Variants in CHSY3 observed in about 807,000 individuals in gnomAD.
The protein encoded by CHSY3 is N-acetylgalactosaminyl-proteoglycan 3-beta-glucuronosyltransferase 3.
A neutral mutation model predicts 67.2 loss-of-function variants in CHSY3; 35 were observed. That is an observed-to-expected ratio of 0.52 (90% confidence interval 0.40 to 0.69). The LOEUF (loss-of-function observed/expected upper bound fraction) is 0.69, where lower values mean the gene tolerates loss of function less well. Ranked by LOEUF, CHSY3 falls within the 30% of genes least tolerant of loss-of-function variation. The pLI is 0.00. For missense variants in CHSY3, 1,069 were observed against 1,138.5 expected, an observed-to-expected ratio of 0.94 and a Z score of 0.88; for synonymous variants, 474 against 434.7, an observed-to-expected ratio of 1.09 and a Z score of -1.12.
chr5:130,069,495 A>G (rs1210657778), intron 2 of CHSY3, among the ~76,000 whole-genome samples: 2 of 151,968 alleles, frequency 1.3e-5, no homozygotes, highest in Non-Finnish European at 2.9e-5. Context: ...GTTTTAAAAT[A>G]TATATATTTT....
chr5:130,067,729 A>C (rs1288947792), intron 2 of CHSY3, among the ~76,000 whole-genome samples: 4 of 152,124 alleles, frequency 2.6e-5, no homozygotes, highest in Non-Finnish European at 5.9e-5. Flanking sequence ...TTTAGGGTAG[A>C]GTTTGAGAAT....
intron 2 of CHSY3, among the ~76,000 whole-genome samples, chr5:129,964,229 G>A (rs1270237670): frequency 6.6e-6 from 1 of 151,818 alleles, no homozygotes; most frequent in Non-Finnish European, 1.5e-5. Flanking sequence ...CTGACTGAAG[G>A]TCTGATTTGA....
chr5:130,107,593 T>C (rs1767451425), intron 2 of CHSY3, among the ~76,000 whole-genome samples: 1 of 151,666 alleles, frequency 6.6e-6, no homozygotes, highest in Non-Finnish European at 1.5e-5. Flanking sequence ...GCAAATGTGC[T>C]GTTAGCTTAG....
At chr5:130,082,847 A>T (rs1766487303) in intron 2 of CHSY3, among the ~76,000 whole-genome samples, 1 of 151,734 alleles carries the variant, frequency 6.6e-6, no homozygotes, top group Non-Finnish European at 1.5e-5. Flanking sequence ...ATGTTGGAGC[A>T]CTATATATAT....
intron 2 of CHSY3, among the ~76,000 whole-genome samples, chr5:129,950,425 C>A (rs1341131522): frequency 6.6e-6 from 1 of 151,996 alleles, no homozygotes; most frequent in East Asian, 1.9e-4. Flanking sequence ...CTAGCCAGAG[C>A]AATTAGGTAA....
At chr5:130,172,217 A>T (rs1397441261) in intron 2 of CHSY3, among the ~76,000 whole-genome samples, 1 of 152,126 alleles carries the variant, frequency 6.6e-6, no homozygotes, top group Non-Finnish European at 1.5e-5. Context: ...AATTGGCCAG[A>T]GTGTGATATG....
chr5:129,942,565 C>A (rs976732739), intron 2 of CHSY3, among the ~76,000 whole-genome samples: 2 of 151,946 alleles, frequency 1.3e-5, no homozygotes, highest in Admixed American at 6.6e-5. Context: ...TACCAGACAC[C>A]CTGCCTAACA....
intron 2 of CHSY3, among the ~76,000 whole-genome samples, chr5:130,049,255 T>C (rs1765253155): frequency 6.6e-6 from 1 of 152,118 alleles, no homozygotes; most frequent in Non-Finnish European, 1.5e-5. Flanking sequence ...ATTTTCATGA[T>C]TGAAATTATC....
intron 2 of CHSY3, among the ~76,000 whole-genome samples, chr5:130,177,778 C>T (rs776719435): frequency 2.0e-5 from 3 of 152,048 alleles, no homozygotes; most frequent in Non-Finnish European, 4.4e-5. Context: ...AATTTGGAAA[C>T]TCAAGCCCTT....
At chr5:129,921,513 A>C (rs1038006657) in intron 2 of CHSY3, among the ~76,000 whole-genome samples, 1 of 152,194 alleles carries the variant, frequency 6.6e-6, no homozygotes, top group Non-Finnish European at 1.5e-5. Flanking sequence ...AGAATTTTTC[A>C]TTTAATATTT....
intron 2 of CHSY3, among the ~76,000 whole-genome samples, chr5:130,143,798 ATATATATG>A (rs1446668334): frequency 0.012 from 1,082 of 89,220 alleles, 86 homozygotes; most frequent in African/African-American, 0.05. Flanking sequence ...ATATATATAT[ATATATATG>A]TGTGTATATA....
At chr5:130,088,977 G>A (rs1447351702) in intron 2 of CHSY3, among the ~76,000 whole-genome samples, 2 of 151,906 alleles carry the variant, frequency 1.3e-5, no homozygotes, top group Non-Finnish European at 2.9e-5. Flanking sequence ...CAAGCCAAAT[G>A]TCCAACAATG....
chr5:130,100,139 G>A (rs535569832), intron 2 of CHSY3, among the ~76,000 whole-genome samples: 108 of 152,226 alleles, frequency 7.1e-4, no homozygotes, highest in African/African-American at 2.5e-3. Flanking sequence ...ATTCATAGAA[G>A]GGCAGACATA....
intron 2 of CHSY3, chr5:130,002,265 C>T (rs1263225678): frequency 6.4e-6 from 1 of 155,146 alleles, no homozygotes; most frequent in Admixed American, 6.5e-5. Context: ...GAAGAGAAGG[C>T]ATGGCTGCCT....
intron 2 of CHSY3, among the ~76,000 whole-genome samples, chr5:129,932,103 C>CATATATATATATATAT (rs33960181): frequency 3.3e-4 from 38 of 114,972 alleles, no homozygotes; most frequent in Non-Finnish European, 5.1e-4. Context: ...ACCATAAAAC[C>CATATATATATATATAT]ATATATATAT....
At chr5:129,957,498 T>G (rs1182876218) in intron 2 of CHSY3, among the ~76,000 whole-genome samples, 4 of 152,186 alleles carry the variant, frequency 2.6e-5, no homozygotes, top group Admixed American at 2.0e-4. Flanking sequence ...GACATATAAA[T>G]GTATGTGGGA....
chr5:129,999,369 T>C (rs921518977), intron 2 of CHSY3, among the ~76,000 whole-genome samples: 1 of 152,134 alleles, frequency 6.6e-6, no homozygotes, highest in Non-Finnish European at 1.5e-5. Flanking sequence ...GAGAGGACTA[T>C]GCCAATTAAA....
intron 2 of CHSY3, among the ~76,000 whole-genome samples, chr5:129,975,990 T>C (rs1276027613): frequency 6.6e-6 from 1 of 152,148 alleles, no homozygotes; most frequent in East Asian, 1.9e-4. Context: ...GAGTTTCATC[T>C]TAGCTGTTCT....
At chr5:130,034,457 G>A (rs1764788850) in intron 2 of CHSY3, among the ~76,000 whole-genome samples, 1 of 152,050 alleles carries the variant, frequency 6.6e-6, no homozygotes, top group South Asian at 2.1e-4. Context: ...ATTTTATTAT[G>A]AGCAGTTGTC....
Sources: allele counts gnomAD v4.1 joint callset (sites outside exome capture counted in the v4.1 genomes callset), GRCh38; gene constraint gnomAD v4.1.1; transcripts MANE v1.5; gene names NCBI Gene and HGNC (gene_info 2026-07-23, HGNC 2026-07-21).